The following CCAR1 variants were observed in gnomAD, a reference collection of about 807,000 sequenced individuals.
CCAR1 encodes cell division cycle and apoptosis regulator protein 1.
A neutral mutation model predicts 163.8 loss-of-function variants in CCAR1; 78 were observed. The ratio of observed to expected loss-of-function variants is 0.48; its 90% CI spans 0.40 to 0.57. The LOEUF is 0.57. Ranked by LOEUF, CCAR1 falls within the 20% of genes least tolerant of loss-of-function variation. The pLI is 0.00. For synonymous variants in CCAR1, 443 were observed against 460.7 expected, an observed-to-expected ratio of 0.96 and a Z score of 0.49; for missense variants, 1,019 against 1,365.2, an observed-to-expected ratio of 0.75 and a Z score of 4.00.
At position 68,787,983 on chromosome 10, in the gene CCAR1, A is replaced by G; in HGVS notation, c.2937A>G (p.Leu979=). ...GTGAATCTTGCTTTTACCGGAAATT[A>G]ACAGACACCTCAAAAGATGAAGAGA... The part of the protein sequence containing the change: ...VLRESCFYRK[L]TDTSKDEENH... The change falls in exon 22 of 25, where the codon TTA becomes TTG. Residue 979 remains leucine (L), a synonymous_variant. Coordinates refer to ENST00000265872, the MANE Select transcript of CCAR1 (RefSeq NM_018237.4). 1 of 1,613,234 alleles carries G rather than the reference A, an allele frequency of 6.2e-7. No individual in the cohort carries two copies. The highest frequency in any genetic ancestry group is 1.1e-5 in the South Asian group (1 of 90,944).
intron 15 of CCAR1, among the ~76,000 whole-genome samples, chr10:68,759,042 G>A (rs2056436308): frequency 6.6e-6 from 1 of 151,960 alleles, no homozygotes; most frequent in South Asian, 2.1e-4. Context: ...TTTGTGATTG[G>A]CTGATTGCTT....
chr10:68,787,876 T>C lies in CCAR1; in HGVS notation c.2881-51T>C, dbSNP rs373703101. 19 of 1,521,614 alleles carry C rather than the reference T, an allele frequency of 1.2e-5. No homozygotes were observed. The African/African-American group carries it at 2.5e-4, about 20-fold the overall frequency. 94.3% of individuals were successfully genotyped at this position (1,521,614 alleles called of 1,614,324 possible). A position where few individuals can be genotyped will look rare whatever the true frequency, so the allele number is the denominator to read the frequency against. The stretch of plus-strand genomic sequence containing the variant: ...TTATATCATAGTTTTTCTAAGAGAA[T>C]CAAGAAATGTATTTTCATCTCTGTA... On this transcript the variant is annotated intron_variant, in intron 21 of 24. Transcript: ENST00000265872.
At chr10:68,723,420 C>T (rs1219779043) in intron 2 of CCAR1, among the ~76,000 whole-genome samples, 1 of 151,862 alleles carries the variant, frequency 6.6e-6, no homozygotes, top group Non-Finnish European at 1.5e-5. Context: ...TAAGCCACCG[C>T]ACCCGGCAGT....
At chr10:68,745,140 G>A (rs910221189) in intron 6 of CCAR1, among the ~76,000 whole-genome samples, 3 of 151,934 alleles carry the variant, frequency 2.0e-5, no homozygotes, top group African/African-American at 4.8e-5. Flanking sequence ...CAAGTAGCTG[G>A]GATTACAGGC....
intron 19 of CCAR1, chr10:68,774,922 T>A (rs530014614): frequency 2.6e-6 from 1 of 384,976 alleles, no homozygotes; most frequent in Non-Finnish European, 4.9e-6. Context: ...TAGAAAATTA[T>A]AAGAGTTCTT....
chr10:68,736,886 T>A lies in CCAR1; in HGVS notation c.84T>A (p.Gly28=). 1 of 1,606,454 alleles carries A rather than the reference T, an allele frequency of 6.2e-7. No individual in the cohort carries two copies. The highest frequency in any genetic ancestry group is 8.5e-7 in the Non-Finnish European group (1 of 1,177,226). The part of the protein sequence containing the change: ...ATAVSQPAAL[G]VQQPSLLGAS... ...TTGATTTCATTTTAGCTGCACTGGG[T>A]GTTCAACAGCCATCACTCCTTGGAG... Residue 28 remains glycine (G), a synonymous_variant, in exon 3 of 25, where the codon GGT becomes GGA. Coordinates refer to ENST00000265872, the MANE Select transcript of CCAR1 (RefSeq NM_018237.4).
chr10:68,746,601 G>GT (rs1311094745), intron 6 of CCAR1, among the ~76,000 whole-genome samples: 2 of 151,830 alleles, frequency 1.3e-5, no homozygotes, highest in Non-Finnish European at 2.9e-5. Flanking sequence ...ATTTATTTTT[G>GT]TTTGAGACCG....
chr10:68,785,118 C>T (rs2056781842), intron 19 of CCAR1, among the ~76,000 whole-genome samples: 1 of 151,744 alleles, frequency 6.6e-6, no homozygotes, highest in African/African-American at 2.4e-5. Context: ...GGGATTTCAC[C>T]GTGTTAGCCA....
intron 2 of CCAR1, among the ~76,000 whole-genome samples, chr10:68,729,116 T>C (rs2055993380): frequency 6.6e-6 from 1 of 152,228 alleles, no homozygotes; most frequent in African/African-American, 2.4e-5. Flanking sequence ...ATGTTAATTG[T>C]TATTAATTTA....
intron 19 of CCAR1, among the ~76,000 whole-genome samples, chr10:68,780,878 A>G (rs1407679688): frequency 6.6e-6 from 1 of 152,178 alleles, no homozygotes; most frequent in African/African-American, 2.4e-5. Flanking sequence ...TCAACCTGCC[A>G]TTCCCCTATC....
chr10:68,786,430 G>A, intron 20 of CCAR1, 116 bp from the exon 21 acceptor site: 1 of 770,648 alleles, frequency 1.3e-6, no homozygotes. Flanking sequence ...TAGCTAGGAT[G>A]AGGCAAATAT....
At chr10:68,743,397 C>G (rs889850813) in intron 6 of CCAR1, among the ~76,000 whole-genome samples, 9 of 151,890 alleles carry the variant, frequency 5.9e-5, no homozygotes, top group African/African-American at 2.2e-4. Context: ...AACTCCCGAC[C>G]TCACGATCCA....
chr10:68,787,344 G>A (rs1403882131), intron 21 of CCAR1, among the ~76,000 whole-genome samples: 1 of 151,484 alleles, frequency 6.6e-6, no homozygotes, highest in East Asian at 1.9e-4. Context: ...TAGCTGCACA[G>A]TACCCATTAT....
At chr10:68,735,310 C>T (rs1286936878) in intron 2 of CCAR1, among the ~76,000 whole-genome samples, 1 of 151,214 alleles carries the variant, frequency 6.6e-6, no homozygotes, top group African/African-American at 2.4e-5. Flanking sequence ...GATTGCACAA[C>T]TGCACTTCAG....
intron 16 of CCAR1, among the ~76,000 whole-genome samples, chr10:68,764,599 T>G (rs577424721): frequency 6.6e-6 from 1 of 152,168 alleles, no homozygotes; most frequent in Admixed American, 6.5e-5. Flanking sequence ...GCAGATCTTT[T>G]CCATCTTCCA....
Position 68,756,270 on chromosome 10 carries a change from C to T in CCAR1, c.1626-3C>T. On this transcript the variant is annotated splice_region_variant and splice_polypyrimidine_tract_variant and intron_variant, in intron 13 of 24. Transcript: ENST00000265872. This position sits in a 1 kb window ranked among gnomAD's most constrained non-coding sequence, Gnocchi z 5.1. ...TTCCAACATGCTTCTTCCCTTGCAA[C>T]AGGTACCGTTTTGCAGAGATTCGCT... is the stretch of plus-strand genomic sequence containing the variant. 6.2e-7 allele frequency: 1 copy of T among 1,610,474 alleles called. No individual in the cohort carries two copies. Among genetic ancestry groups the T allele is most frequent in the Non-Finnish European group, 8.5e-7 (1 of 1,177,278 alleles).
intron 2 of CCAR1, among the ~76,000 whole-genome samples, chr10:68,723,418 C>A (rs1391953737): frequency 6.6e-6 from 1 of 151,660 alleles, no homozygotes; most frequent in Non-Finnish European, 1.5e-5. Context: ...CGTAAGCCAC[C>A]GCACCCGGCA....
At chr10:68,751,985 C>T (rs537556924) in intron 10 of CCAR1, among the ~76,000 whole-genome samples, 50 of 144,848 alleles carry the variant, frequency 3.5e-4, no homozygotes, top group African/African-American at 1.2e-3. Flanking sequence ...GGCTCAATCT[C>T]GGCCCACTGC....
At chr10:68,749,058 G>T in intron 8 of CCAR1, 78 bp from the exon 9 acceptor site, 1 of 1,538,176 alleles carries the variant, frequency 6.5e-7, no homozygotes. Flanking sequence ...ATTTAACTTT[G>T]TTCCTCTAAT....
Sources: gnomAD v4.1 joint callset for allele counts (sites outside exome capture counted in the v4.1 genomes callset) on GRCh38, gnomAD v4.1.1 for gene constraint, Gnocchi (gnomAD v3.1) non-coding constraint, MANE v1.5 for transcripts, NCBI Gene and HGNC (gene_info 2026-07-23, HGNC 2026-07-21) for gene names.